MACROD2: variants seen among roughly 807,000 people sequenced by gnomAD.
MACROD2 encodes ADP-ribose glycohydrolase MACROD2.
In MACROD2, 36 loss-of-function variants were observed where a neutral mutation model predicts 70.4. That is an observed-to-expected ratio of 0.51 (90% CI 0.39 to 0.68). The LOEUF is 0.68. Among genes scored for constraint, MACROD2 ranks in the 30% least tolerant of loss-of-function variants. The probability of loss-of-function intolerance (pLI) is 0.00; values close to 1 mark genes in which losing one functional copy is unlikely to be tolerated. For missense variants in MACROD2, 496 were observed against 538.4 expected (o/e 0.92, Z 0.78); for synonymous variants, 172 against 178.8 (o/e 0.96, Z 0.30).
chr20:15,915,610 G>A (rs1241516899), intron 10 of MACROD2, among the ~76,000 whole-genome samples: 1 of 152,102 alleles, frequency 6.6e-6, no homozygotes, highest in Non-Finnish European at 1.5e-5. Context: ...CACATGAGAG[G>A]GCCTGATCAG....
chr20:15,515,058 G>A (rs2047549160), intron 8 of MACROD2, among the ~76,000 whole-genome samples: 1 of 152,194 alleles, frequency 6.6e-6, no homozygotes, highest in South Asian at 2.1e-4. Context: ...AAACCAAGAT[G>A]GCAGGTCCAT....
chr20:15,540,471 T>C (rs557375236), intron 8 of MACROD2, among the ~76,000 whole-genome samples: 48 of 152,172 alleles, frequency 3.2e-4, no homozygotes, highest in African/African-American at 1.1e-3. Context: ...CAAATGAGAA[T>C]ACTGAACACT....
At chr20:15,576,142 CTCTT>C (rs781681384) in intron 8 of MACROD2, among the ~76,000 whole-genome samples, 23 of 151,940 alleles carry the variant, frequency 1.5e-4, no homozygotes, top group Non-Finnish European at 2.9e-4. Context: ...CACTTCTTTT[CTCTT>C]TCTTTCTTTT....
chr20:14,245,242 A>G (rs1390406953), intron 3 of MACROD2, among the ~76,000 whole-genome samples: 1 of 151,976 alleles, frequency 6.6e-6, no homozygotes. Context: ...GGGCACCTGT[A>G]GTCCCAGCTA....
Position 13,995,851 on chromosome 20 carries a change from TTAGGGTGGGGGC to T in MACROD2, c.46+43_46+54del. The T allele has an allele frequency of 7.2e-7, 1 of 1,380,564 alleles. No individual in the cohort carries two copies. The highest frequency in any genetic ancestry group is 1.0e-6 in the Non-Finnish European group (1 of 997,062). The allele number at this position is 1,380,564 out of a possible 1,614,324, so 85.5% of individuals were successfully genotyped here. ...GTCCTGGGGGTGCGGGCGGTGGGGGTTAGGGTGGGGGCGGGGGTCAGGCTGTGTGTGCCGCGG... is the reference window on the plus strand; with the variant it reads ...GTCCTGGGGGTGCGGGCGGTGGGGGTGGGGGTCAGGCTGTGTGTGCCGCGG... On this transcript the variant is annotated intron_variant, in intron 1 of 17. Coordinates refer to ENST00000684519, the MANE Select transcript of MACROD2 (RefSeq NM_001351661.2). This position sits in a 1 kb window ranked among gnomAD's most constrained non-coding sequence, Gnocchi z 4.3.
intron 3 of MACROD2, among the ~76,000 whole-genome samples, chr20:14,137,976 G>A (rs748514193): frequency 2.0e-5 from 3 of 152,066 alleles, no homozygotes; most frequent in Non-Finnish European, 2.9e-5. Flanking sequence ...CTTTCCAAAG[G>A]ACACATACAG....
intron 12 of MACROD2, among the ~76,000 whole-genome samples, chr20:15,958,525 T>A (rs1275988291): frequency 6.6e-6 from 1 of 152,226 alleles, no homozygotes; most frequent in Admixed American, 6.5e-5. Context: ...AACCTTGGAC[T>A]TGGGTAAAAT....
intron 6 of MACROD2, among the ~76,000 whole-genome samples, chr20:15,386,767 G>A (rs533764279): frequency 6.6e-5 from 10 of 152,252 alleles, no homozygotes; most frequent in African/African-American, 2.2e-4. Flanking sequence ...TAAAAGTGGT[G>A]CCACAGGCAT....
chr20:14,707,555 T>C (rs1320371781), intron 5 of MACROD2, among the ~76,000 whole-genome samples: 1 of 152,186 alleles, frequency 6.6e-6, no homozygotes, highest in Non-Finnish European at 1.5e-5. Flanking sequence ...CCCAGTGCTG[T>C]AGAGTGTGTT....
intron 8 of MACROD2, among the ~76,000 whole-genome samples, chr20:15,781,913 A>G (rs1359035461): frequency 1.3e-5 from 2 of 152,130 alleles, no homozygotes; most frequent in African/African-American, 4.8e-5. Flanking sequence ...AAGAGCAGGG[A>G]GAAATAATGA....
chr20:15,271,100 T>G (rs1810535579), intron 6 of MACROD2, among the ~76,000 whole-genome samples: 1 of 152,196 alleles, frequency 6.6e-6, no homozygotes, highest in South Asian at 2.1e-4. Flanking sequence ...TCTCAATTTG[T>G]TCTAGCTGCT....
At chr20:14,201,428 T>A (rs2081478554) in intron 3 of MACROD2, among the ~76,000 whole-genome samples, 1 of 152,210 alleles carries the variant, frequency 6.6e-6, no homozygotes, top group South Asian at 2.1e-4. Flanking sequence ...ATATTTTGTC[T>A]TTTGCTTTCA....
chr20:15,099,650 C>T (rs1005954605), intron 5 of MACROD2, among the ~76,000 whole-genome samples: 2 of 151,944 alleles, frequency 1.3e-5, no homozygotes, highest in Admixed American at 6.6e-5. Flanking sequence ...TAAACAAACA[C>T]CTAAAAATAT....
At chr20:14,827,910 A>T (rs1003831747) in intron 5 of MACROD2, among the ~76,000 whole-genome samples, 3 of 152,038 alleles carry the variant, frequency 2.0e-5, no homozygotes, top group Non-Finnish European at 2.9e-5. Context: ...GTCTCATATG[A>T]AGTAGAAAAA....
chr20:14,026,922 A>C (rs2053175699), intron 2 of MACROD2, among the ~76,000 whole-genome samples: 1 of 152,142 alleles, frequency 6.6e-6, no homozygotes, highest in Non-Finnish European at 1.5e-5. Flanking sequence ...ACAGCAGTGG[A>C]TCTCCCAGCA....
At chr20:15,358,825 A>G (rs2078319211) in intron 6 of MACROD2, among the ~76,000 whole-genome samples, 1 of 150,858 alleles carries the variant, frequency 6.6e-6, no homozygotes, top group South Asian at 2.1e-4. Context: ...TTTTTTTTAC[A>G]AGGGCATTAA....
chr20:15,389,751 C>T (rs2045767405), intron 6 of MACROD2, among the ~76,000 whole-genome samples: 1 of 152,120 alleles, frequency 6.6e-6, no homozygotes, highest in Non-Finnish European at 1.5e-5. Flanking sequence ...AGAATGTGCT[C>T]AGTTCTCTTC....
chr20:14,040,141 T>G (rs2053372396), intron 2 of MACROD2, among the ~76,000 whole-genome samples: 1 of 152,112 alleles, frequency 6.6e-6, no homozygotes, highest in African/African-American at 2.4e-5. Context: ...AAATGTGTAG[T>G]TAGGTGATTT....
At chr20:15,703,841 T>C (rs1031684636) in intron 8 of MACROD2, among the ~76,000 whole-genome samples, 1 of 152,208 alleles carries the variant, frequency 6.6e-6, no homozygotes, top group African/African-American at 2.4e-5. Context: ...AGGCTACTCC[T>C]CACAGAGCAA....
Sources: allele counts gnomAD v4.1 joint callset (sites outside exome capture counted in the v4.1 genomes callset), GRCh38; gene constraint gnomAD v4.1.1; non-coding constraint Gnocchi (gnomAD v3.1); transcripts MANE v1.5; gene names NCBI Gene and HGNC (gene_info 2026-07-23, HGNC 2026-07-21).